The following HSD17B12 variants were observed in gnomAD, a reference collection of about 807,000 sequenced individuals.
The protein encoded by HSD17B12 is very-long-chain 3-oxoacyl-CoA reductase.
A neutral mutation model predicts 39.3 loss-of-function variants in HSD17B12; 32 were observed. The observed-to-expected ratio is 0.81, with a 90% CI of 0.61 to 1.09. The LOEUF is 1.09. HSD17B12 is among the 50% of genes least tolerant of loss of function. The pLI, the probability that HSD17B12 is intolerant of heterozygous loss-of-function variation, is 0.00. For missense variants in HSD17B12, 342 were observed against 382.9 expected, an observed-to-expected ratio of 0.89 and a Z score of 0.89; for synonymous variants, 150 against 146.7, an observed-to-expected ratio of 1.02 and a Z score of -0.16.
At chr11:43,783,245 A>C (rs959161952) in intron 3 of HSD17B12, among the ~76,000 whole-genome samples, 1 of 152,212 alleles carries the variant, frequency 6.6e-6, no homozygotes, top group African/African-American at 2.4e-5. Context: ...GTAATTATTC[A>C]TCAATAGTAA....
Position 43,750,935 on chromosome 11 carries a change from T to C in HSD17B12, c.185T>C (p.Ile62Thr), listed in dbSNP as rs1276506228. Residue 62 changes from isoleucine to threonine, a missense_variant, in exon 2 of 11, where the codon ATT (isoleucine) becomes ACT (threonine). Physicochemically the swap from Ile to Thr is moderately conservative, Grantham distance 89. Coordinates refer to ENST00000278353, the MANE Select transcript of HSD17B12 (RefSeq NM_016142.3). ...WAVVTGSTDG[I>T]GKSYAEELAK... ...GTTGTCACAGGTAGTACTGATGGAA[T>C]TGGAAAATCATATGCAGAAGAGGTA... 6.2e-7 allele frequency: 1 copy of C among 1,604,568 alleles called. No individual in the cohort carries two copies. Among genetic ancestry groups the C allele is most frequent in the Non-Finnish European group, 8.5e-7 (1 of 1,173,920 alleles).
intron 1 of HSD17B12, among the ~76,000 whole-genome samples, chr11:43,698,495 T>C (rs559991345): frequency 6.6e-6 from 1 of 152,358 alleles, no homozygotes; most frequent in East Asian, 1.9e-4. Context: ...TGTGCTATAG[T>C]TGGGTCAATC....
the HSD17B12 span, among the ~76,000 whole-genome samples, chr11:43,558,642 G>A: frequency 7.2e-5 from 11 of 152,208 alleles, no homozygotes; most frequent in East Asian, 1.6e-3. Flanking sequence ...GTTCAGATGA[G>A]CCTGGAAATA....
chr11:43,710,712 G>C (rs1950057173), intron 1 of HSD17B12, among the ~76,000 whole-genome samples: 1 of 152,098 alleles, frequency 6.6e-6, no homozygotes. Flanking sequence ...AAGTTTATTT[G>C]GGGTTTTAAT....
chr11:43,581,489 G>T, the HSD17B12 span: 2 of 499,816 alleles, frequency 4.0e-6, no homozygotes, highest in Admixed American at 2.0e-5. The surrounding 1 kb of genome is among the most constrained non-coding windows in gnomAD (Gnocchi z 4.9). Flanking sequence ...GGGCGCACTC[G>T]TCGAGAAGAC....
the HSD17B12 span, chr11:43,579,465 G>A: frequency 6.6e-6 from 1 of 152,354 alleles, no homozygotes; most frequent in African/African-American, 2.4e-5. Context: ...GCTGCTTCCA[G>A]CTGGCTGCAG....
chr11:43,805,611 A>G (rs559804085), intron 4 of HSD17B12, among the ~76,000 whole-genome samples: 7 of 152,330 alleles, frequency 4.6e-5, no homozygotes, highest in South Asian at 2.1e-4. Context: ...TTCTAGGTAT[A>G]TAGGAAAGGG....
chr11:43,576,833 C>T, the HSD17B12 span, among the ~76,000 whole-genome samples: 4 of 151,928 alleles, frequency 2.6e-5, no homozygotes, highest in South Asian at 2.1e-4. Flanking sequence ...CTTGCAGAGC[C>T]GGGAATCACC....
At chr11:43,801,833 G>A (rs1218602085) in intron 4 of HSD17B12, among the ~76,000 whole-genome samples, 1 of 151,910 alleles carries the variant, frequency 6.6e-6, no homozygotes, top group East Asian at 1.9e-4. Flanking sequence ...CTTGTCAAAG[G>A]CTGCCTGGAA....
chr11:43,842,352 G>A (rs74822640), intron 9 of HSD17B12, among the ~76,000 whole-genome samples: 4,112 of 152,208 alleles, frequency 0.027, 175 homozygotes, highest in African/African-American at 0.079. Flanking sequence ...CATCTTCCAG[G>A]ATCATCTAAG....
At chr11:43,580,074 G>A in the HSD17B12 span, among the ~76,000 whole-genome samples, 1 of 151,786 alleles carries the variant, frequency 6.6e-6, no homozygotes, top group Non-Finnish European at 1.5e-5. Flanking sequence ...AATGGGGGGG[G>A]GGAGGGGCAG....
intron 1 of HSD17B12, among the ~76,000 whole-genome samples, chr11:43,732,941 G>A (rs941109302): frequency 6.6e-6 from 1 of 152,232 alleles, no homozygotes; most frequent in South Asian, 2.1e-4. Context: ...CTAGCCTCAG[G>A]TTGTTTAAAA....
chr11:43,712,164 C>T (rs914417062), intron 1 of HSD17B12, among the ~76,000 whole-genome samples: 1 of 152,180 alleles, frequency 6.6e-6, no homozygotes, highest in Non-Finnish European at 1.5e-5. Flanking sequence ...CGCAGTGGCT[C>T]ATGCCTCTAA....
the HSD17B12 span, among the ~76,000 whole-genome samples, chr11:43,610,574 G>A: frequency 5.3e-5 from 8 of 152,278 alleles, no homozygotes; most frequent in South Asian, 1.7e-3. Flanking sequence ...TTCCCCATAT[G>A]CAAAATGGAG....
the HSD17B12 span, among the ~76,000 whole-genome samples, chr11:43,561,884 C>A: frequency 6.6e-6 from 1 of 152,166 alleles, no homozygotes; most frequent in African/African-American, 2.4e-5. Context: ...TAGCACGGTG[C>A]TTGACCCATG....
At chr11:43,612,014 AG>A in the HSD17B12 span, among the ~76,000 whole-genome samples, 8 of 152,292 alleles carry the variant, frequency 5.3e-5, no homozygotes, top group African/African-American at 1.9e-4. Flanking sequence ...TATTTTTGAA[AG>A]GGATGAGTAT....
chr11:43,570,161 A>T, the HSD17B12 span: 1 of 152,772 alleles, frequency 6.5e-6, no homozygotes, highest in South Asian at 2.1e-4. Context: ...GTCACACTCA[A>T]TGAAGGGACC....
chr11:43,694,638 T>C (rs1339010528), intron 1 of HSD17B12, among the ~76,000 whole-genome samples: 4 of 151,962 alleles, frequency 2.6e-5, no homozygotes, highest in Non-Finnish European at 4.4e-5. Context: ...CAGTGAGCCA[T>C]GATTGCACCA....
intron 1 of HSD17B12, among the ~76,000 whole-genome samples, chr11:43,743,795 C>G (rs2134922099): frequency 6.6e-6 from 1 of 152,228 alleles, no homozygotes; most frequent in Admixed American, 6.5e-5. Context: ...CCTATGAACT[C>G]TAATCGATAT....
Sources: allele counts gnomAD v4.1 joint callset (sites outside exome capture counted in the v4.1 genomes callset), GRCh38; gene constraint gnomAD v4.1.1; non-coding constraint Gnocchi (gnomAD v3.1); transcripts MANE v1.5; gene names NCBI Gene and HGNC (gene_info 2026-07-23, HGNC 2026-07-21).